The following USP54 variants were observed in gnomAD, a reference collection of about 807,000 sequenced individuals.
USP54 encodes the protein ubiquitin specific peptidase 54, also known as ubiquitin carboxyl-terminal hydrolase 54.
USP54 carries 87 observed loss-of-function variants against 170.5 expected under a neutral mutation model. That is an observed-to-expected ratio of 0.51 (90% CI 0.43 to 0.61). The LOEUF (loss-of-function observed/expected upper bound fraction) is 0.61, where lower values mean the gene tolerates loss of function less well. Ranked by LOEUF, USP54 falls within the 20% of genes least tolerant of loss-of-function variation. USP54 has a pLI of 0.00. For missense variants in USP54, 1,786 were observed against 2,047.8 expected (o/e 0.87, Z 2.47); for synonymous variants, 655 against 742.8 (o/e 0.88, Z 1.92).
rs116773393 is a variant in USP54 at position 73,580,040 on chromosome 10, C to T, written c.-581-3679G>A. ...CTACATTGTTTATGGAAATGCAAAACAGGCCAGGTGCAGTAGTTCACGCCT... is the reference window on the plus strand; with the variant it reads ...CTACATTGTTTATGGAAATGCAAAATAGGCCAGGTGCAGTAGTTCACGCCT... On this transcript the variant is annotated intron_variant, in intron 1 of 23. Coordinates refer to ENST00000687698, the MANE Select transcript of USP54 (RefSeq NM_001391956.1). 6.0e-3 allele frequency among the ~76,000 whole-genome samples: 912 copies of T among 151,990 alleles called. 14 individuals are homozygous for T. Among genetic ancestry groups the T allele is most frequent in the African/African-American group, 0.021 (876 of 41,486 alleles).
upstream of USP54, among the ~76,000 whole-genome samples, chr10:73,593,080 C>G (rs760251456): frequency 2.0e-5 from 3 of 151,838 alleles, no homozygotes; most frequent in South Asian, 4.2e-4. Context: ...TTTTATAGGC[C>G]GGGTGCAGGG....
chr10:73,565,245 G>A (rs567119016), intron 4 of USP54, among the ~76,000 whole-genome samples: 4 of 152,102 alleles, frequency 2.6e-5, no homozygotes, highest in African/African-American at 7.2e-5. Flanking sequence ...GGCCAGGAAT[G>A]GTAGTTCATG....
At chr10:73,551,852 C>A (rs1163355519) in intron 4 of USP54, among the ~76,000 whole-genome samples, 2 of 152,204 alleles carry the variant, frequency 1.3e-5, no homozygotes, top group Non-Finnish European at 2.9e-5. Context: ...ACTCTGGCCC[C>A]TTTAGTCTTC....
intron 20 of USP54, among the ~76,000 whole-genome samples, chr10:73,509,849 C>CGGTT (rs1307465445): frequency 3.3e-5 from 5 of 151,798 alleles, no homozygotes; most frequent in Non-Finnish European, 7.4e-5. Context: ...CGCTCCAAAC[C>CGGTT]ACACACAAAA....
Position 73,498,933 on chromosome 10 carries a change from G to A in USP54, c.4751C>T (p.Thr1584Ile), listed in dbSNP as rs759385675. ...ATGGAAAAGATCACTCCAGGACTGA[G>A]TGTGAGGAACCTGAAGGCCCTTGCT... The part of the protein sequence containing the change: ...ERSKGLQVPH[T>I]QSWSDLFHSP... The change falls in exon 24 of 24, where the codon ACT (threonine) becomes ATT (isoleucine). Residue 1584 changes from threonine (T) to isoleucine (I), a missense_variant. Thr to Ile is a moderately conservative substitution (Grantham distance 89). Coordinates refer to ENST00000687698, the MANE Select transcript of USP54 (RefSeq NM_001391956.1). The A allele has an allele frequency of 2.5e-6, 4 of 1,614,216 alleles. No individual in the cohort carries two copies. The highest frequency in any genetic ancestry group is 3.4e-6 in the Non-Finnish European group (4 of 1,180,038).
In USP54 at chr10:73,605,532, A is replaced by C. The variant is rs892801611; in HGVS notation, c.-18+20035T>G. Among the ~76,000 whole-genome samples, 8 of 152,252 alleles carry C rather than the reference A, an allele frequency of 5.3e-5. 1 individual carries two copies. The South Asian group carries it at 8.3e-4, about 16-fold the overall frequency. ...ACAGAGCAAGACTCTGTCTCAAAAA[A>C]TAAATAAAGAGATAATTGTATACCC... is the stretch of plus-strand genomic sequence containing the variant. On this transcript the variant is annotated intron_variant, in intron 1 of 22. Transcript: ENST00000339859.
chr10:73,515,447 A>G (rs1277067487), intron 20 of USP54, among the ~76,000 whole-genome samples: 1 of 152,202 alleles, frequency 6.6e-6, no homozygotes, highest in Non-Finnish European at 1.5e-5. Flanking sequence ...TCATGTCTTC[A>G]ATTTCCAGAA....
intron 1 of USP54, among the ~76,000 whole-genome samples, chr10:73,578,936 A>G (rs937651565): frequency 6.7e-6 from 1 of 149,864 alleles, no homozygotes; most frequent in Admixed American, 6.6e-5. Context: ...GGTTGGGCAA[A>G]GATTCCTTTT....
chr10:73,530,720 C>T lies in USP54; in HGVS notation c.1431G>A (p.Ser477=), dbSNP rs371844597. 6.6e-5 allele frequency: 106 copies of T among 1,614,116 alleles called. No homozygotes were observed. In the African/African-American group the frequency reaches 1.3e-3, roughly 19 times the overall value. ...AGGGCTTGCCTTCACTGTGGTATCC[C>T]GAGGCCTGGGGCTCATCGCCTTTCC... ...VRRKGDEPQA[S]GYHSEGETLK... The change falls in exon 13 of 24, where the codon TCG becomes TCA. Residue 477 remains serine, a synonymous_variant. Coordinates refer to ENST00000687698, the MANE Select transcript of USP54 (RefSeq NM_001391956.1).
At chr10:73,524,258 G>A (rs960425597) in intron 16 of USP54, among the ~76,000 whole-genome samples, 1 of 151,896 alleles carries the variant, frequency 6.6e-6, no homozygotes, top group African/African-American at 2.4e-5. Flanking sequence ...TTAGATTCCG[G>A]ATGGCACTTG....
chr10:73,523,806 TG>T, intron 16 of USP54, 56 bp from the exon 17 acceptor site: 1 of 1,505,312 alleles, frequency 6.6e-7, no homozygotes, highest in East Asian at 2.3e-5. Flanking sequence ...ACTAAGTACT[TG>T]ATGAATTTAT....
intron 1 of USP54, among the ~76,000 whole-genome samples, chr10:73,581,435 G>A (rs1023978973): frequency 6.6e-6 from 1 of 152,156 alleles, no homozygotes; most frequent in Non-Finnish European, 1.5e-5. Flanking sequence ...CAACCTTTTT[G>A]CAGTGCCTCA....
intron 1 of USP54, among the ~76,000 whole-genome samples, chr10:73,606,878 CAA>C (rs200071977): frequency 2.0e-4 from 11 of 55,880 alleles, no homozygotes; most frequent in Admixed American, 2.0e-4. Flanking sequence ...GACAATATCT[CAA>C]AAAAAAAAAA....
At chr10:73,568,964 G>A (rs2074425983) in intron 4 of USP54, among the ~76,000 whole-genome samples, 1 of 152,142 alleles carries the variant, frequency 6.6e-6, no homozygotes, top group Non-Finnish European at 1.5e-5. Context: ...TCAGGAAAAT[G>A]AAATATAACA....
At chr10:73,624,344 C>A (rs1344662838) in intron 1 of USP54, 1 of 145,036 alleles carries the variant, frequency 6.9e-6, no homozygotes, top group Admixed American at 7.1e-5. Context: ...ATTGCAGGCG[C>A]GCGCCACCAG....
At chr10:73,615,502 C>T (rs1442496210) in intron 1 of USP54, among the ~76,000 whole-genome samples, 6 of 150,460 alleles carry the variant, frequency 4.0e-5, no homozygotes, top group African/African-American at 7.5e-5. Context: ...ATAATGAATG[C>T]TGAGAGGATG....
chr10:73,604,469 T>A (rs188567863), intron 1 of USP54, among the ~76,000 whole-genome samples: 12 of 151,332 alleles, frequency 7.9e-5, no homozygotes, highest in African/African-American at 2.9e-4. Flanking sequence ...CTCAAAGAGA[T>A]AACTTGCCAG....
intron 7 of USP54, chr10:73,541,959 C>T: frequency 3.7e-6 from 2 of 543,764 alleles, no homozygotes; most frequent in East Asian, 6.2e-5. Context: ...CTTTGCTGGC[C>T]AGTACTGAGC....
intron 20 of USP54, among the ~76,000 whole-genome samples, chr10:73,512,112 A>G (rs531470353): frequency 6.6e-6 from 1 of 152,052 alleles, no homozygotes; most frequent in East Asian, 1.9e-4. Flanking sequence ...AATTAATTCT[A>G]TCTGATCACT....
Sources: gnomAD v4.1 joint callset for allele counts (sites outside exome capture counted in the v4.1 genomes callset) on GRCh38, gnomAD v4.1.1 for gene constraint, MANE v1.5 for transcripts, NCBI Gene and HGNC (gene_info 2026-07-23, HGNC 2026-07-21) for gene names.